LAS1L: variants seen among roughly 807,000 people sequenced by gnomAD.
LAS1L encodes the protein ribosomal biogenesis protein LAS1L.
A neutral mutation model predicts 57.3 loss-of-function variants in LAS1L; 5 were observed. The observed-to-expected ratio is 0.09, with a 90% confidence interval of 0.05 to 0.18. The LOEUF (loss-of-function observed/expected upper bound fraction) is 0.18. LAS1L is among the 10% of genes least tolerant of loss of function. The pLI is 1.00. For synonymous variants in LAS1L, 245 were observed against 231.7 expected, an observed-to-expected ratio of 1.06 and a Z score of -0.52; for missense variants, 360 against 568.3, an observed-to-expected ratio of 0.63 and a Z score of 3.73.
chrX:65,527,582 C>T (rs1003854749), intron 7 of LAS1L, among the ~76,000 whole-genome samples: 11 of 107,239 alleles, frequency 1.0e-4, no homozygotes, highest in African/African-American at 3.4e-4. Context: ...CCTATAATCC[C>T]AGCACTTTCG....
chrX:65,515,371 G>A (rs1281222006), intron 12 of LAS1L, among the ~76,000 whole-genome samples: 2 of 110,297 alleles, frequency 1.8e-5, no homozygotes, highest in African/African-American at 6.6e-5. Flanking sequence ...GACACATCAT[G>A]GAGGGTCTGG....
chrX:65,523,676 C>T lies in LAS1L; in HGVS notation c.1332G>A (p.Gln444=), dbSNP rs754258329. ...GCCTCCAGCCCCTTCTTGCTTCCCA[C>T]TGGCCTGCAGAAAATCGGCGAGCAT... ...GRNARRFSAG[Q]WEARRGWRLF... Residue 444 remains glutamine (Q), a synonymous_variant, in exon 11 of 14, where the codon CAG becomes CAA. Transcript: ENST00000374811. 1 of 1,198,128 alleles carries T rather than the reference C, an allele frequency of 8.3e-7. No individual in the cohort carries two copies. Among genetic ancestry groups the T allele is most frequent in the East Asian group, 3.0e-5 (1 of 33,217 alleles).
Position 65,532,474 on chromosome X carries a change from TCTGA to T in LAS1L, c.432+83_432+86del. The stretch of plus-strand genomic sequence containing the variant: ...GGCTGGTAGTGATGGGATGAGCTAG[TCTGA>T]CTGTGTGCCCACAATACCCCATGCC... On this transcript the variant is annotated intron_variant, in intron 3 of 13. Transcript: ENST00000374811. 7.3e-6 allele frequency: 5 copies of T among 682,218 alleles called. No individual in the cohort carries two copies. The South Asian group carries it at 1.1e-4, about 16-fold the overall frequency. 56.2% of individuals were successfully genotyped at this position (682,218 alleles called of 1,213,427 possible).
chrX:65,518,343 G>T lies in LAS1L; in HGVS notation c.1571C>A (p.Pro524His). Residue 524 changes from proline (P) to histidine (H), a missense_variant, in exon 12 of 14, where the codon CCC becomes CAC. Coordinates refer to ENST00000374811, the MANE Select transcript of LAS1L (RefSeq NM_031206.7). ...SLVQEGSEAS[P>H]IGKSPYTLDS... Reference sequence around the variant, plus strand: ...TAGTGTATATGGAGACTTCCCAATGGGGGAGGCCTCAGAGCCCTCCTGCAC... The same window carrying T: ...TAGTGTATATGGAGACTTCCCAATGTGGGAGGCCTCAGAGCCCTCCTGCAC... 3 of 1,211,685 alleles carry T rather than the reference G, an allele frequency of 2.5e-6. No individual in the cohort carries two copies. Among genetic ancestry groups the T allele is most frequent in the Non-Finnish European group, 3.4e-6 (3 of 895,154 alleles).
At chrX:65,523,332 A>C (rs2068956959) in intron 11 of LAS1L, 2 of 334,249 alleles carry the variant, frequency 6.0e-6, no homozygotes, top group Admixed American at 1.1e-4. Flanking sequence ...GGATTGTCTT[A>C]TCCATTCCCA....
Position 65,524,222 on chromosome X carries a change from G to C in LAS1L, c.1134C>G (p.Phe378Leu). The C allele has an allele frequency of 1.7e-6, 2 of 1,210,816 alleles. No individual in the cohort carries two copies. The highest frequency in any genetic ancestry group is 2.2e-6 in the Non-Finnish European group (2 of 894,940). Residue 378 changes from phenylalanine (F) to leucine (L), a missense_variant, in exon 10 of 14, where the codon TTC becomes TTG. Transcript: ENST00000374811. ...TGAGCAGGGGCTGCCAGAACTGAGAGAACGGCTTTGGCACCAGGACGTCAT... is the reference window on the plus strand; with the variant it reads ...TGAGCAGGGGCTGCCAGAACTGAGACAACGGCTTTGGCACCAGGACGTCAT... ...DLNDVLVPKP[F>L]SQFWQPLLRG...
chrX:65,518,701 T>C, intron 11 of LAS1L: 1 of 491,749 alleles, frequency 2.0e-6, no homozygotes, highest in African/African-American at 2.6e-5. Flanking sequence ...TGATACCTAA[T>C]GTATAGGATT....
chrX:65,520,543 G>A, intron 11 of LAS1L: 4 of 753,282 alleles, frequency 5.3e-6, no homozygotes, highest in Non-Finnish European at 6.3e-6. Context: ...AGAAGAGCAT[G>A]GGACTAAGGA....
chrX:65,515,612 A>G (rs1012413514), intron 12 of LAS1L, among the ~76,000 whole-genome samples: 1 of 110,461 alleles, frequency 9.1e-6, no homozygotes, highest in East Asian at 2.9e-4. Flanking sequence ...CCCAAGATGC[A>G]CAAGGTACAC....
In LAS1L at chrX:65,534,470, G is replaced by A; in HGVS notation, c.236+10C>T. 1.7e-6 allele frequency: 2 copies of A among 1,181,076 alleles called. No individual in the cohort carries two copies. The highest frequency in any genetic ancestry group is 1.7e-5 in the African/African-American group (1 of 57,144). ...GCACGCAGGCAAAAGGGCCGAACCC[G>A]CCACCTTACCTGCTCCTCCACACCG... On this transcript the variant is annotated intron_variant, in intron 1 of 13. Coordinates refer to ENST00000374811, the MANE Select transcript of LAS1L (RefSeq NM_031206.7).
In LAS1L at chrX:65,512,693, T is replaced by A. The variant is rs779831139; in HGVS notation, c.*82A>T. ...GGCTGATCCAGGCTGTCTCCCAGGT[T>A]GTCTCAGGGAGCATCAGTTGTACTA... On this transcript the variant is annotated 3_prime_UTR_variant, in exon 14 of 14. Transcript: ENST00000374811. 84 of 1,033,110 alleles carry A rather than the reference T, an allele frequency of 8.1e-5. No individual in the cohort carries two copies. The highest frequency in any genetic ancestry group is 9.2e-5 in the Non-Finnish European group (72 of 778,585). 85.1% of individuals were successfully genotyped at this position (1,033,110 alleles called of 1,213,427 possible).
At chrX:65,515,132 C>T (rs780554549) in intron 12 of LAS1L, among the ~76,000 whole-genome samples, 159 bp from the exon 13 acceptor site, 2 of 111,528 alleles carry the variant, frequency 1.8e-5, no homozygotes, top group Non-Finnish European at 3.8e-5. Context: ...TCTCATGAGC[C>T]CCTCTCCACC....
Position 65,528,384 on chromosome X carries a change from G to A in LAS1L, c.847-15C>T. The A allele has an allele frequency of 1.9e-6, 2 of 1,060,498 alleles. No homozygotes were observed. The highest frequency in any genetic ancestry group is 1.8e-5 in the African/African-American group (1 of 54,321). The allele number at this position is 1,060,498 out of a possible 1,213,427, so 87.4% of individuals were successfully genotyped here. A position where few individuals can be genotyped will look rare whatever the true frequency, so the allele number is the denominator to read the frequency against. ...TTCTCCAGCACCTGCCAGCAAAGAGGGTCCCATCAGAAGGCTGGTTCAGCC... is the reference window on the plus strand; with the variant it reads ...TTCTCCAGCACCTGCCAGCAAAGAGAGTCCCATCAGAAGGCTGGTTCAGCC... On this transcript the variant is annotated splice_polypyrimidine_tract_variant and intron_variant, in intron 6 of 13. Coordinates refer to ENST00000374811, the MANE Select transcript of LAS1L (RefSeq NM_031206.7).
At chrX:65,531,260 C>A in intron 4 of LAS1L, 97 bp downstream of exon 4, 1 of 520,353 alleles carries the variant, frequency 1.9e-6, no homozygotes. Context: ...AGCCTTGACT[C>A]CAGGTGGAGA....
chrX:65,532,044 A>C (rs2069523926), intron 3 of LAS1L, among the ~76,000 whole-genome samples: 2 of 112,299 alleles, frequency 1.8e-5, no homozygotes. Flanking sequence ...GCCTCCCTCT[A>C]GCCTGTCCTT....
intron 11 of LAS1L, among the ~76,000 whole-genome samples, chrX:65,520,106 T>C: frequency 1.8e-5 from 2 of 111,900 alleles, no homozygotes; most frequent in Admixed American, 1.9e-4. Context: ...ACCATTAGTC[T>C]GACCACTAAG....
intron 7 of LAS1L, among the ~76,000 whole-genome samples, chrX:65,526,660 C>A (rs145960070): frequency 9.0e-6 from 1 of 111,480 alleles, no homozygotes; most frequent in African/African-American, 3.3e-5. Context: ...ACGTTCTTAG[C>A]GGAAAGTCCC....
At chrX:65,516,356 G>A (rs756817559) in intron 12 of LAS1L, among the ~76,000 whole-genome samples, 57 of 110,697 alleles carry the variant, frequency 5.1e-4, no homozygotes, top group Non-Finnish European at 9.8e-4. Flanking sequence ...CACTAATATC[G>A]CCAATGCTGT....
intron 7 of LAS1L, among the ~76,000 whole-genome samples, chrX:65,527,397 A>G (rs1435881875): frequency 9.1e-6 from 1 of 109,533 alleles, no homozygotes; most frequent in South Asian, 4.0e-4. Flanking sequence ...TTAGCCAGAC[A>G]TGGTAGTGCA....
Sources: allele counts gnomAD v4.1 joint callset (sites outside exome capture counted in the v4.1 genomes callset), GRCh38; gene constraint gnomAD v4.1.1; transcripts MANE v1.5; gene names NCBI Gene and HGNC (gene_info 2026-07-23, HGNC 2026-07-21).